DOC2A: variants seen among roughly 807,000 people sequenced by gnomAD.
DOC2A encodes double C2-like domain-containing protein alpha.
In DOC2A, 28 loss-of-function variants were observed where a neutral mutation model predicts 40.6. That is an observed-to-expected ratio of 0.69 (90% CI 0.51 to 0.95). The LOEUF (loss-of-function observed/expected upper bound fraction) is 0.95, where lower values mean the gene tolerates loss of function less well. Among genes scored for constraint, DOC2A ranks in the 40% least tolerant of loss-of-function variants. The probability of loss-of-function intolerance (pLI) is 0.00; values close to 1 mark genes in which losing one functional copy is unlikely to be tolerated. For synonymous variants in DOC2A, 241 were observed against 236.9 expected (o/e 1.02, Z -0.16); for missense variants, 474 against 552.5 (o/e 0.86, Z 1.42).
upstream of DOC2A, chr16:30,013,622 A>AATAAAAAAAAAAAAAT (rs1186474493): frequency 0.3 from 42,084 of 141,470 alleles, 7,554 homozygotes; most frequent in South Asian, 0.41. Flanking sequence ...AAAAAAAAAA[A>AATAAAAAAAAAAAAAT]AAAAATCCTT....
chr16:30,006,122 A>G lies in DOC2A; in HGVS notation c.*64T>C. The G allele has an allele frequency of 6.6e-7, 1 of 1,517,460 alleles. No individual in the cohort carries two copies. Among genetic ancestry groups the G allele is most frequent in the Admixed American group, 2.0e-5 (1 of 48,850 alleles). The allele number at this position is 1,517,460 out of a possible 1,614,324, so 94.0% of individuals were successfully genotyped here. A position where few individuals can be genotyped will look rare whatever the true frequency, so the allele number is the denominator to read the frequency against. ...CCCACCCTGTGTAAACGTGCAACAC[A>G]CTCGTGCGAAGGTTGGGTACTGGAC... On this transcript the variant is annotated 3_prime_UTR_variant, in exon 11 of 11. Coordinates refer to ENST00000350119, the MANE Select transcript of DOC2A (RefSeq NM_003586.3). This position sits in a 1 kb window ranked among gnomAD's most constrained non-coding sequence, Gnocchi z 6.2.
chr16:30,021,513 G>C (rs914764781), upstream of DOC2A: 2 of 152,280 alleles, frequency 1.3e-5, no homozygotes, highest in Admixed American at 1.3e-4. Flanking sequence ...AGGGAGCGGA[G>C]TCTGCGAAGG....
intron 1 of DOC2A, among the ~76,000 whole-genome samples, chr16:30,020,611 G>A (rs1002952094): frequency 4.6e-5 from 7 of 152,152 alleles, no homozygotes; most frequent in East Asian, 2.0e-4. Flanking sequence ...AGGAGGCCGC[G>A]GAGGGCAGAT....
At chr16:30,020,671 C>T (rs1297974937) in intron 1 of DOC2A, among the ~76,000 whole-genome samples, 1 of 152,006 alleles carries the variant, frequency 6.6e-6, no homozygotes, top group Non-Finnish European at 1.5e-5. Flanking sequence ...GATGAAATTC[C>T]GTCTCTACTT....
At chr16:30,016,809 T>C (rs1188718824), upstream of DOC2A, among the ~76,000 whole-genome samples, 1 of 152,094 alleles carries the variant, frequency 6.6e-6, no homozygotes, top group African/African-American at 2.4e-5. Flanking sequence ...CACAGCCTCA[T>C]AGGGAAGACA....
chr16:30,007,349 C>T (rs772626075), intron 5 of DOC2A, 50 bp from the exon 6 acceptor site: 2 of 1,612,540 alleles, frequency 1.2e-6, no homozygotes, highest in African/African-American at 1.3e-5. Context: ...GAGCCCCGTT[C>T]CGGGGTGTAG....
chr16:30,006,127 T>C lies in DOC2A; in HGVS notation c.*59A>G. The C allele has an allele frequency of 3.3e-6, 5 of 1,525,088 alleles. No individual in the cohort carries two copies. The South Asian group carries it at 3.6e-5, about 11-fold the overall frequency. The allele number at this position is 1,525,088 out of a possible 1,614,324, so 94.5% of individuals were successfully genotyped here. A position where few individuals can be genotyped will look rare whatever the true frequency, so the allele number is the denominator to read the frequency against. ...CCTGTGTAAACGTGCAACACACTCG[T>C]GCGAAGGTTGGGTACTGGACCCGGC... On this transcript the variant is annotated 3_prime_UTR_variant, in exon 11 of 11. Transcript: ENST00000350119. The surrounding 1 kb of genome is among the most constrained non-coding windows in gnomAD (Gnocchi z 6.2).
At position 30,006,054 on chromosome 16, in the gene DOC2A, G is replaced by C. The variant is rs2070573297; in HGVS notation, c.*132C>G. 1 of 1,058,124 alleles carries C rather than the reference G, an allele frequency of 9.5e-7. No individual in the cohort carries two copies. The highest frequency in any genetic ancestry group is 1.7e-5 in the South Asian group (1 of 60,314). The allele number at this position is 1,058,124 out of a possible 1,614,324, so 65.5% of individuals were successfully genotyped here. On this transcript the variant is annotated 3_prime_UTR_variant, in exon 11 of 11. Transcript: ENST00000350119. The surrounding 1 kb of genome is among the most constrained non-coding windows in gnomAD (Gnocchi z 6.2). ...GCCCCTCATGAGCAGACAGACCCGG[G>C]TCACGGAGACTCACAAAAATAGGTA... is the stretch of plus-strand genomic sequence containing the variant.
upstream of DOC2A, chr16:30,015,090 T>C (rs1475021032): frequency 1.3e-5 from 2 of 152,140 alleles, no homozygotes; most frequent in Non-Finnish European, 2.9e-5. Context: ...ACTGTGTCTC[T>C]TGACAAGCTG....
chr16:30,008,213 G>A (rs1367562823), intron 5 of DOC2A: 1 of 152,888 alleles, frequency 6.5e-6, no homozygotes, highest in African/African-American at 2.4e-5. Context: ...CTAGGATGAC[G>A]GAGCAAGTTC....
At position 30,005,581 on chromosome 16, in the gene DOC2A, A is replaced by T; in HGVS notation, c.*605T>A. The stretch of plus-strand genomic sequence containing the variant: ...CCACTGACACAACCAGAAAAGGCGT[A>T]AACATGCACGGGTGTCCCCCAGGAG... On this transcript the variant is annotated 3_prime_UTR_variant, in exon 11 of 11. Coordinates refer to ENST00000350119, the MANE Select transcript of DOC2A (RefSeq NM_003586.3). 1 of 837,070 alleles carries T rather than the reference A, an allele frequency of 1.2e-6. No homozygotes were observed. Among genetic ancestry groups the T allele is most frequent in the South Asian group, 1.6e-5 (1 of 63,384 alleles). The allele number at this position is 837,070 out of a possible 1,614,324, so 51.9% of individuals were successfully genotyped here.
upstream of DOC2A, chr16:30,011,452 G>A (rs1253818777): frequency 3.4e-5 from 33 of 966,602 alleles, no homozygotes; most frequent in East Asian, 2.5e-4. Flanking sequence ...CCCCGCCCCC[G>A]CCCGCGCGCG....
At chr16:30,013,255 T>C (rs2070814098), upstream of DOC2A, among the ~76,000 whole-genome samples, 1 of 147,570 alleles carries the variant, frequency 6.8e-6, no homozygotes, top group Non-Finnish European at 1.5e-5. Flanking sequence ...ATCTCTCTTC[T>C]TTTTTTTTCT....
Position 30,009,332 on chromosome 16 carries a change from T to A in DOC2A, c.343-56A>T. On this transcript the variant is annotated intron_variant, in intron 3 of 10. Transcript: ENST00000350119. This position sits in a 1 kb window ranked among gnomAD's most constrained non-coding sequence, Gnocchi z 4.1. The stretch of plus-strand genomic sequence containing the variant: ...GGCTCCCGGCACCTCTCTCCATCCC[T>A]CTTGTAGAGCTGGACCCTGGAGGAG... 1 of 1,522,870 alleles carries A rather than the reference T, an allele frequency of 6.6e-7. No individual in the cohort carries two copies. The highest frequency in any genetic ancestry group is 8.9e-7 in the Non-Finnish European group (1 of 1,122,098). 94.3% of individuals were successfully genotyped at this position (1,522,870 alleles called of 1,614,324 possible). A position where few individuals can be genotyped will look rare whatever the true frequency, so the allele number is the denominator to read the frequency against.
chr16:30,016,051 A>ATT (rs1472791924), upstream of DOC2A, among the ~76,000 whole-genome samples: 1 of 20,020 alleles, frequency 5.0e-5, no homozygotes, highest in East Asian at 4.1e-3. Flanking sequence ...ATATATATAT[A>ATT]TATATTTTTT....
intron 1 of DOC2A, chr16:30,018,812 A>G (rs2070882437): frequency 6.6e-6 from 1 of 152,272 alleles, no homozygotes; most frequent in Non-Finnish European, 1.5e-5. Context: ...ATAGATAGCA[A>G]GACAAGGCCC....
At chr16:30,020,299 C>G (rs928494028) in intron 1 of DOC2A, among the ~76,000 whole-genome samples, 1 of 152,126 alleles carries the variant, frequency 6.6e-6, no homozygotes, top group East Asian at 1.9e-4. Context: ...CCATCTTGGC[C>G]TCCCAAAGTG....
chr16:30,023,105 C>T (rs947769406), upstream of DOC2A: 6 of 430,500 alleles, frequency 1.4e-5, no homozygotes, highest in Non-Finnish European at 2.6e-5. Context: ...GCAAGATGGC[C>T]GTGCCGCATC....
rs2070626580 is a variant in DOC2A, at chr16:30,006,994, C to T, written c.714+37G>A. On this transcript the variant is annotated intron_variant, in intron 7 of 10. Coordinates refer to ENST00000350119, the MANE Select transcript of DOC2A (RefSeq NM_003586.3). The surrounding 1 kb of genome is among the most constrained non-coding windows in gnomAD (Gnocchi z 6.2). ...GTCAGCCTGGGCCCCTGCAGCCTCC[C>T]ACCCACATGCATCCCCATCCCCATG... 5 of 1,613,800 alleles carry T rather than the reference C, an allele frequency of 3.1e-6. No individual in the cohort carries two copies. The highest frequency in any genetic ancestry group is 4.2e-6 in the Non-Finnish European group (5 of 1,179,878).
Sources: gnomAD v4.1 joint callset for allele counts (sites outside exome capture counted in the v4.1 genomes callset) on GRCh38, gnomAD v4.1.1 for gene constraint, Gnocchi (gnomAD v3.1) non-coding constraint, MANE v1.5 for transcripts, NCBI Gene and HGNC (gene_info 2026-07-23, HGNC 2026-07-21) for gene names.